The following GAB3 variants were observed in gnomAD, a reference collection of about 807,000 sequenced individuals.
GAB3 encodes GRB2-associated-binding protein 3.
In GAB3, 12 loss-of-function variants were observed where a neutral mutation model predicts 40.4. The observed-to-expected ratio is 0.30, with a 90% CI of 0.19 to 0.48. The LOEUF (loss-of-function observed/expected upper bound fraction) is 0.48. GAB3 is among the 20% of genes least tolerant of loss of function. GAB3 has a pLI of 0.99. For synonymous variants in GAB3, 154 were observed against 176.7 expected, an observed-to-expected ratio of 0.87 and a Z score of 1.02; for missense variants, 381 against 461.9, an observed-to-expected ratio of 0.82 and a Z score of 1.61.
rs1476682043 is a variant in GAB3 at position 154,680,939 on chromosome X, C to T, written c.1531-691G>A. On this transcript the variant is annotated intron_variant, in intron 8 of 9. Coordinates refer to ENST00000424127, the MANE Select transcript of GAB3 (RefSeq NM_001081573.3). ...TTAGGTACTCCACATTCACTTGTGT[C>T]GAAGCATTAGCCCTATTTCACTCAT... 4.5e-5 allele frequency among the ~76,000 whole-genome samples: 5 copies of T among 112,220 alleles called. No homozygotes were observed. The East Asian group carries it at 1.1e-3, about 25-fold the overall frequency.
intron 1 of GAB3, among the ~76,000 whole-genome samples, chrX:154,743,300 A>G (rs1296305991): frequency 4.5e-5 from 5 of 111,325 alleles, no homozygotes; most frequent in Non-Finnish European, 7.5e-5. Flanking sequence ...ACTTTCTCAG[A>G]CAAACAAAAC....
At chrX:154,701,538 G>A (rs972936841) in intron 4 of GAB3, among the ~76,000 whole-genome samples, 1 of 112,051 alleles carries the variant, frequency 8.9e-6, no homozygotes, top group Non-Finnish European at 1.9e-5. Flanking sequence ...AGGGAACATG[G>A]GCAGACAGTA....
chrX:154,713,368 G>A lies in GAB3; in HGVS notation c.435C>T (p.Ser145=). 8.3e-7 allele frequency: 1 copy of A among 1,210,345 alleles called. No homozygotes were observed. Among genetic ancestry groups the A allele is most frequent in the African/African-American group, 1.7e-5 (1 of 57,663 alleles). The change falls in exon 3 of 10, where the codon AGC becomes AGT. Residue 145 remains serine, a synonymous_variant. Coordinates refer to ENST00000424127, the MANE Select transcript of GAB3 (RefSeq NM_001081573.3). The part of the protein sequence containing the change: ...TPSSLQPSSA[S]SLLTAHAASS... The stretch of plus-strand genomic sequence containing the variant: ...TGGCAGCATGGGCGGTAAGAAGGGA[G>A]CTGGCAGAGGATGGCTGCAGGGAGG...
chrX:154,749,835 T>C (rs2071584817), intron 1 of GAB3, among the ~76,000 whole-genome samples: 1 of 112,958 alleles, frequency 8.9e-6, no homozygotes, highest in Non-Finnish European at 1.9e-5. Context: ...GAAGTATTCA[T>C]ACATTATTAA....
At chrX:154,691,210 T>C (rs782435173) in intron 8 of GAB3, among the ~76,000 whole-genome samples, 4 of 93,875 alleles carry the variant, frequency 4.3e-5, no homozygotes, top group Admixed American at 1.3e-4. Context: ...TAGATGGGAA[T>C]TGAACAATGA....
At chrX:154,689,491 C>T (rs1410255878) in intron 8 of GAB3, among the ~76,000 whole-genome samples, 9 of 109,814 alleles carry the variant, frequency 8.2e-5, no homozygotes, top group East Asian at 5.8e-4. Flanking sequence ...TGTTTGCAGA[C>T]GACATGATTG....
chrX:154,699,822 C>A (rs1053413882), intron 5 of GAB3, among the ~76,000 whole-genome samples, 182 bp downstream of exon 5: 2 of 111,981 alleles, frequency 1.8e-5, no homozygotes, highest in African/African-American at 3.2e-5. Context: ...CCATTAGAAC[C>A]AATAAGGCCC....
At chrX:154,709,318 G>A (rs965974746) in intron 4 of GAB3, among the ~76,000 whole-genome samples, 9 of 62,031 alleles carry the variant, frequency 1.5e-4, no homozygotes, top group Non-Finnish European at 2.3e-4. Context: ...CCCAGTCTCC[G>A]GCAGTTTTTT....
chrX:154,751,054 T>G lies in GAB3; in HGVS notation c.-29A>C. 1.3e-6 allele frequency: 1 copy of G among 784,453 alleles called. No homozygotes were observed. Among genetic ancestry groups the G allele is most frequent in the Non-Finnish European group, 1.5e-6 (1 of 657,514 alleles). 64.6% of individuals were successfully genotyped at this position (784,453 alleles called of 1,213,427 possible). On this transcript the variant is annotated 5_prime_UTR_variant, in exon 1 of 10. Coordinates refer to ENST00000424127, the MANE Select transcript of GAB3 (RefSeq NM_001081573.3). The stretch of plus-strand genomic sequence containing the variant: ...GGCCGCCGCCGCCGCTTCCTCCAGC[T>G]GGGCCAGCCGCCCGCGGCAGAAGGA...
At chrX:154,698,861 G>T (rs1328958662) in intron 6 of GAB3, among the ~76,000 whole-genome samples, 1 of 111,833 alleles carries the variant, frequency 8.9e-6, no homozygotes, top group Non-Finnish European at 1.9e-5. Flanking sequence ...CATGTGACTG[G>T]GTCTGACCTT....
intron 1 of GAB3, among the ~76,000 whole-genome samples, chrX:154,722,298 G>A (rs1246879750): frequency 9.0e-6 from 1 of 111,239 alleles, no homozygotes; most frequent in Non-Finnish European, 1.9e-5. Context: ...GACAAGATGG[G>A]AGGAAATGGG....
At chrX:154,744,212 C>CAAAA (rs56796528) in intron 1 of GAB3, among the ~76,000 whole-genome samples, 7 of 30,559 alleles carry the variant, frequency 2.3e-4, no homozygotes, top group Non-Finnish European at 2.2e-4. Flanking sequence ...GATTCCATCT[C>CAAAA]AAAAAAAAAA....
rs1188770040 is a variant in GAB3, at chrX:154,699,414, G to A, written c.1225C>T (p.His409Tyr). The A allele has an allele frequency of 6.6e-6, 8 of 1,208,858 alleles. No individual in the cohort carries two copies. The highest frequency in any genetic ancestry group is 2.2e-5 in the Admixed American group (1 of 45,723). Residue 409 changes from histidine (H) to tyrosine (Y), a missense_variant, in exon 6 of 10, where the codon CAC becomes TAC. Physicochemically the swap from His to Tyr is moderately conservative, Grantham distance 83. This residue lies in a region of GAB3 where 364 missense variants were observed against 421.0 expected (regional missense o/e 0.86). Coordinates refer to ENST00000424127, the MANE Select transcript of GAB3 (RefSeq NM_001081573.3). The part of the protein sequence containing the change: ...PQAGASGLGP[H>Y]CSPDDYIPMN... ...GGAATGTAGTCATCAGGGCTGCAGT[G>A]GGGTCCAAGACCAGAGGCACCAGCC...
intron 5 of GAB3, 141 bp downstream of exon 5, chrX:154,699,863 G>T: frequency 1.9e-6 from 1 of 535,045 alleles, no homozygotes; most frequent in Non-Finnish European, 3.2e-6. Flanking sequence ...TAGTTCCCAA[G>T]CAAGTTCAAG....
Position 154,700,030 on chromosome X carries a change from G to A in GAB3, c.1099C>T (p.Arg367Ter). Residue 367 changes from arginine to a stop codon, truncating the protein, a stop_gained, in exon 5 of 10, where the codon CGA becomes TGA. Transcript: ENST00000424127. LOFTEE classifies it high-confidence loss of function. Reference protein sequence around the residue: ...ADVEGQSLRHRDKRLSLNLPC... With the variant: ...ADVEGQSLRH ...AAATTCAAACTAAGCCGCTTGTCTC[G>A]GTGTCTTAAGGATTGGCCTTCTACA... 8.3e-7 allele frequency: 1 copy of A among 1,207,832 alleles called. No individual in the cohort carries two copies. The highest frequency in any genetic ancestry group is 1.1e-6 in the Non-Finnish European group (1 of 893,106).
intron 4 of GAB3, among the ~76,000 whole-genome samples, chrX:154,703,191 A>G (rs910962618): frequency 2.7e-5 from 3 of 112,246 alleles, no homozygotes; most frequent in African/African-American, 9.7e-5. Flanking sequence ...ACATAAAGAC[A>G]CATGCACGCA....
intron 9 of GAB3, among the ~76,000 whole-genome samples, chrX:154,679,602 G>T (rs1217344056): frequency 2.7e-5 from 3 of 111,960 alleles, no homozygotes; most frequent in Non-Finnish European, 5.6e-5. Flanking sequence ...TCACAGATAT[G>T]ATAACTTACA....
At chrX:154,684,719 T>A (rs2070423659) in intron 8 of GAB3, among the ~76,000 whole-genome samples, 1 of 111,426 alleles carries the variant, frequency 9.0e-6, no homozygotes. Context: ...ATTATAAAAT[T>A]TTTCCAGCAA....
intron 1 of GAB3, among the ~76,000 whole-genome samples, chrX:154,732,923 C>T (rs1557260120): frequency 8.9e-6 from 1 of 111,778 alleles, no homozygotes; most frequent in African/African-American, 3.3e-5. Context: ...CCTGTCTCAG[C>T]GTGGGAGAAG....
Sources: gnomAD v4.1 joint callset for allele counts (sites outside exome capture counted in the v4.1 genomes callset) on GRCh38, gnomAD v4.1.1 for gene constraint, gnomAD v4.1.1 regional missense constraint, MANE v1.5 for transcripts, NCBI Gene and HGNC (gene_info 2026-07-23, HGNC 2026-07-21) for gene names.